SLFN12: variants seen among roughly 807,000 people sequenced by gnomAD.
SLFN12 encodes ribonuclease SLFN12.
In SLFN12, 25 loss-of-function variants were observed where a neutral mutation model predicts 29.1. The ratio of observed to expected loss-of-function variants is 0.86; its 90% CI spans 0.63 to 1.20. SLFN12 has a LOEUF of 1.20. Among genes scored for constraint, SLFN12 ranks in the 50% most tolerant of loss-of-function variants. SLFN12 has a pLI of 0.00. For missense variants in SLFN12, 660 were observed against 666.2 expected (o/e 0.99, Z 0.10); for synonymous variants, 257 against 238.7 (o/e 1.08, Z -0.71).
intron 3 of SLFN12, among the ~76,000 whole-genome samples, chr17:35,412,674 A>G (rs1324144085): frequency 6.6e-6 from 1 of 152,138 alleles, no homozygotes; most frequent in African/African-American, 2.4e-5. Flanking sequence ...CAAAGTCTCT[A>G]CAATTTGTAA....
At chr17:35,420,126 G>C (rs1911536330) in intron 3 of SLFN12, 148 bp downstream of exon 3, 7 of 607,558 alleles carry the variant, frequency 1.2e-5, no homozygotes, top group Middle Eastern at 2.6e-4. Context: ...AATAGGATTT[G>C]ACAGATTCAA....
intron 3 of SLFN12, among the ~76,000 whole-genome samples, chr17:35,413,983 C>T (rs1407969240): frequency 1.3e-5 from 2 of 151,770 alleles, no homozygotes; most frequent in African/African-American, 4.8e-5. Flanking sequence ...AGGAATGTAC[C>T]TCACCACAGC....
intron 1 of SLFN12, among the ~76,000 whole-genome samples, chr17:35,429,640 A>G (rs900268041): frequency 3.3e-5 from 5 of 152,146 alleles, no homozygotes; most frequent in Non-Finnish European, 5.9e-5. Context: ...ATGTCAGAAC[A>G]GCAGGTTAGT....
chr17:35,431,411 T>C (rs1912309234), intron 1 of SLFN12, among the ~76,000 whole-genome samples: 1 of 152,114 alleles, frequency 6.6e-6, no homozygotes, highest in Non-Finnish European at 1.5e-5. Context: ...CATCCCACTT[T>C]ACCATTCAAC....
At chr17:35,414,876 C>G (rs1911229652) in intron 3 of SLFN12, among the ~76,000 whole-genome samples, 1 of 152,020 alleles carries the variant, frequency 6.6e-6, no homozygotes, top group African/African-American at 2.4e-5. Flanking sequence ...ATGAAACAAA[C>G]AAATGGAAAC....
At chr17:35,424,383 A>C (rs1911882776) in intron 1 of SLFN12, among the ~76,000 whole-genome samples, 1 of 150,840 alleles carries the variant, frequency 6.6e-6, no homozygotes, top group Non-Finnish European at 1.5e-5. Flanking sequence ...GTAACTTTTA[A>C]GTTAAGAAGT....
At chr17:35,421,883 TAG>T in intron 2 of SLFN12, 105 bp downstream of exon 2, 2 of 1,393,924 alleles carry the variant, frequency 1.4e-6, no homozygotes, top group African/African-American at 2.9e-5. Flanking sequence ...ATTAATAGTT[TAG>T]GTGCTGAAAT....
chr17:35,417,346 C>T (rs1911373202), intron 3 of SLFN12, among the ~76,000 whole-genome samples: 1 of 152,024 alleles, frequency 6.6e-6, no homozygotes, highest in African/African-American at 2.4e-5. Context: ...CAGTATTCAT[C>T]CATGATAAAA....
intron 1 of SLFN12, among the ~76,000 whole-genome samples, chr17:35,428,877 T>C (rs1420563487): frequency 2.0e-5 from 3 of 152,112 alleles, no homozygotes; most frequent in Non-Finnish European, 4.4e-5. Flanking sequence ...AATTTCTTCA[T>C]ATTTCTTGCA....
At chr17:35,416,723 G>A (rs12940126) in intron 3 of SLFN12, among the ~76,000 whole-genome samples, 17,878 of 151,972 alleles carry the variant, frequency 0.12, 2,543 homozygotes, top group African/African-American at 0.34. Context: ...AATTAACACC[G>A]AAGGAAACAG....
chr17:35,429,281 T>G (rs1390679277), intron 1 of SLFN12, among the ~76,000 whole-genome samples: 2 of 151,868 alleles, frequency 1.3e-5, no homozygotes, highest in Non-Finnish European at 2.9e-5. Context: ...TGAGCCACCT[T>G]ATAGAGGACC....
At position 35,411,919 on chromosome 17, in the gene SLFN12, C is replaced by T. The variant is rs1911049515; in HGVS notation, c.1156G>A (p.Gly386Arg). 1.9e-6 allele frequency: 3 copies of T among 1,583,648 alleles called. No individual in the cohort carries two copies. The highest frequency in any genetic ancestry group is 2.6e-6 in the Non-Finnish European group (3 of 1,167,300). Residue 386 changes from glycine to arginine, a missense_variant, in exon 4 of 4, where the codon GGA becomes AGA. By Grantham distance (125) the Gly-to-Arg change is moderately radical. Coordinates refer to ENST00000304905, the MANE Select transcript of SLFN12 (RefSeq NM_018042.5). ...TTTTCTGGAGTATACGTTATCCTTC[C>T]TGATAGCCCTGAATAAGGAAATAAT... Reference protein sequence around the residue: ...RQRHHCPGLSGRITYTPENLC... With the variant: ...RQRHHCPGLSRRITYTPENLC...
At position 35,422,840 on chromosome 17, in the gene SLFN12, A is replaced by G. The variant is rs1911779819; in HGVS notation, c.189T>C (p.Ile63=). ...TTGTATAACTATAGTCTTCATTCTC[A>G]ATTTCAGCCTTGATCACTCCCCCTC... ...NSGGGVIKAE[I]ENEDYSYTKD... The change falls in exon 2 of 4, where the codon ATT becomes ATC. Residue 63 remains isoleucine (I), a synonymous_variant. Transcript: ENST00000304905. 6.2e-7 allele frequency: 1 copy of G among 1,613,778 alleles called. No individual in the cohort carries two copies. Among genetic ancestry groups the G allele is most frequent in the African/African-American group, 1.3e-5 (1 of 74,906 alleles).
At chr17:35,420,453 A>G (rs1911562037) in intron 2 of SLFN12, 72 bp from the exon 3 acceptor site, 2 of 889,212 alleles carry the variant, frequency 2.2e-6, no homozygotes, top group African/African-American at 1.7e-5. Context: ...ATAGTATTAT[A>G]TATTAAAAGT....
At chr17:35,429,930 T>C (rs941935572) in intron 1 of SLFN12, among the ~76,000 whole-genome samples, 5 of 151,994 alleles carry the variant, frequency 3.3e-5, no homozygotes, top group African/African-American at 1.2e-4. Context: ...GGAGGATGGA[T>C]AACCCTGGGA....
At position 35,422,031 on chromosome 17, in the gene SLFN12, G is replaced by A; in HGVS notation, c.998C>T (p.Thr333Ile). 3 of 1,613,994 alleles carry A rather than the reference G, an allele frequency of 1.9e-6. No individual in the cohort carries two copies. The highest frequency in any genetic ancestry group is 2.5e-6 in the Non-Finnish European group (3 of 1,179,978). Residue 333 changes from threonine (T) to isoleucine (I), a missense_variant, in exon 2 of 4, where the codon ACC (threonine) becomes ATC (isoleucine). By Grantham distance (89) the Thr-to-Ile change is moderately conservative. Transcript: ENST00000304905. ...HVKDNRVMQL[T>I]RKEWIQFMVE... ...CATGAACTGGATCCATTCCTTCCTG[G>A]TCAACTGCATCACACGGTTATCTTT... is the stretch of plus-strand genomic sequence containing the variant.
intron 3 of SLFN12, among the ~76,000 whole-genome samples, chr17:35,413,765 G>GA (rs74444170): frequency 1.5e-4 from 21 of 141,176 alleles, no homozygotes; most frequent in Admixed American, 2.8e-4. Flanking sequence ...AAAAAAAAAA[G>GA]AAAAAAAAAG....
intron 2 of SLFN12, 111 bp from the exon 3 acceptor site, chr17:35,420,492 A>G: frequency 1.5e-6 from 1 of 684,112 alleles, no homozygotes; most frequent in Non-Finnish European, 2.4e-6. Flanking sequence ...GTTTTCCAAA[A>G]AAAAATTAAT....
upstream of SLFN12, chr17:35,432,868 G>A (rs1034450562): frequency 1.3e-5 from 2 of 152,076 alleles, no homozygotes; most frequent in Non-Finnish European, 2.9e-5. Flanking sequence ...GAAAAACTAA[G>A]GCTGGAAGGT....
Sources: allele counts gnomAD v4.1 joint callset (sites outside exome capture counted in the v4.1 genomes callset), GRCh38; gene constraint gnomAD v4.1.1; transcripts MANE v1.5; gene names NCBI Gene and HGNC (gene_info 2026-07-23, HGNC 2026-07-21).